Variants in STATH observed in about 807,000 individuals in gnomAD.
STATH encodes statherin.
STATH carries 11 observed loss-of-function variants against 13.3 expected under a neutral mutation model. The ratio of observed to expected loss-of-function variants is 0.83; its 90% confidence interval spans 0.52 to 1.37. STATH has a LOEUF of 1.37. STATH is among the 40% of genes most tolerant of loss of function. STATH has a pLI of 0.00. For synonymous variants in STATH, 25 were observed against 23.6 expected, an observed-to-expected ratio of 1.06 and a Z score of -0.17; for missense variants, 78 against 73.3, an observed-to-expected ratio of 1.06 and a Z score of -0.24.
At chr4:69,999,194 A>G (rs1020897410) in intron 2 of STATH, 2 of 153,096 alleles carry the variant, frequency 1.3e-5, no homozygotes, top group African/African-American at 4.8e-5. Flanking sequence ...ATATTTCAAA[A>G]ACTAATTTGA....
At position 70,000,579 on chromosome 4, in the gene STATH, T is replaced by C. The variant is rs551787861; in HGVS notation, c.103-284T>C. 8.6e-5 allele frequency among the ~76,000 whole-genome samples: 13 copies of C among 151,890 alleles called. 1 individual carries two copies. In the South Asian group the frequency reaches 2.7e-3, roughly 31 times the overall value. ...CTGGGAGGTAGTATTTTGAAGAAAA[T>C]TTAAAACCTCTTTGGAGTGATAGCC... On this transcript the variant is annotated intron_variant, in intron 4 of 5. Transcript: ENST00000246895.
chr4:69,999,168 T>C (rs1264275007), intron 2 of STATH: 1 of 153,134 alleles, frequency 6.5e-6, no homozygotes, highest in Non-Finnish European at 1.5e-5. Flanking sequence ...TCAACTTACC[T>C]GGTAAATTCT....
rs544748421 is a variant in STATH, at chr4:69,998,700, A to G, written c.51+212A>G. ...TATTCATCTACAGACACTAAAGTAT[A>G]TTTAGCTTAGTGTGAAATAAAAGAA... On this transcript the variant is annotated intron_variant, in intron 2 of 5. Transcript: ENST00000246895. 281 of 383,864 alleles carry G rather than the reference A, an allele frequency of 7.3e-4. 1 individual carries two copies. The South Asian group carries it at 0.011, about 15-fold the overall frequency. 23.8% of individuals were successfully genotyped at this position (383,864 alleles called of 1,614,324 possible).
intron 5 of STATH, among the ~76,000 whole-genome samples, chr4:70,001,764 T>C (rs1724675711): frequency 6.6e-6 from 1 of 151,732 alleles, no homozygotes; most frequent in South Asian, 2.1e-4. Flanking sequence ...TTTCAGTGCA[T>C]TTGGGAGATT....
At chr4:69,996,926 C>A (rs1426920620) in intron 1 of STATH, among the ~76,000 whole-genome samples, 1 of 108,296 alleles carries the variant, frequency 9.2e-6, no homozygotes, top group Admixed American at 1.1e-4. Flanking sequence ...CCAGAAATTT[C>A]CTTTTTTTTT....
chr4:69,998,243 A>G, intron 1 of STATH, 180 bp from the exon 2 acceptor site: 1 of 560,958 alleles, frequency 1.8e-6, no homozygotes, highest in Admixed American at 3.0e-5. Context: ...CAATACACTC[A>G]CTTTTACTTA....
chr4:69,996,380 T>C (rs1173613566), intron 1 of STATH, among the ~76,000 whole-genome samples: 7 of 152,186 alleles, frequency 4.6e-5, no homozygotes, highest in Non-Finnish European at 7.4e-5. Flanking sequence ...TTTAAGAAAA[T>C]AGCATACGTT....
At position 70,002,059 on chromosome 4, in the gene STATH, T is replaced by C. The variant is rs536582519; in HGVS notation, c.*34-130T>C. 6.6e-5 allele frequency: 10 copies of C among 151,944 alleles called. 1 individual carries two copies. The South Asian group carries it at 2.1e-3, about 31-fold the overall frequency. The allele number at this position is 151,944 out of a possible 1,614,324, so 9.4% of individuals were successfully genotyped here. On this transcript the variant is annotated intron_variant, in intron 5 of 5. Transcript: ENST00000246895. Reference sequence around the variant, plus strand: ...TTAATTGTCTACTCTGTGTCAAATATTATTTTGGGCCCTGCATTTTATAAA... The same window carrying C: ...TTAATTGTCTACTCTGTGTCAAATACTATTTTGGGCCCTGCATTTTATAAA...
At chr4:69,998,517 T>A (rs775078410) in intron 2 of STATH, 29 bp downstream of exon 2, 33 of 1,593,414 alleles carry the variant, frequency 2.1e-5, no homozygotes, top group Non-Finnish European at 8.6e-7. Context: ...TTGAAGAATA[T>A]GTTCTCAGTA....
At chr4:70,001,607 GAA>G (rs762326721) in intron 5 of STATH, among the ~76,000 whole-genome samples, 29 of 151,534 alleles carry the variant, frequency 1.9e-4, no homozygotes, top group Non-Finnish European at 3.1e-4. Flanking sequence ...TTTCTTTTTA[GAA>G]AGTCAGTTTT....
chr4:70,000,447 G>GTC, intron 4 of STATH: 1 of 167,126 alleles, frequency 6.0e-6, no homozygotes, highest in Middle Eastern at 3.1e-3. Context: ...TGTAGGAATC[G>GTC]TAAGAGACAG....
intron 1 of STATH, 194 bp from the exon 2 acceptor site, chr4:69,998,229 A>G: frequency 1.9e-6 from 1 of 539,498 alleles, no homozygotes; most frequent in South Asian, 2.5e-5. Context: ...TAGCATTTCC[A>G]TATCAATACA....
chr4:70,002,225 T>C lies in STATH; in HGVS notation c.*70T>C, dbSNP rs891879310. ...AAATACGACTTCTACATCCATATTC[T>C]CATCTTTCATACCATATCACACTAC... On this transcript the variant is annotated 3_prime_UTR_variant, in exon 6 of 6. Transcript: ENST00000246895. The C allele has an allele frequency of 1.3e-5, 2 of 151,636 alleles. No individual in the cohort carries two copies. The highest frequency in any genetic ancestry group is 1.5e-5 in the Non-Finnish European group (1 of 67,714). The allele number at this position is 151,636 out of a possible 1,614,324, so 9.4% of individuals were successfully genotyped here. A position where few individuals can be genotyped will look rare whatever the true frequency, so the allele number is the denominator to read the frequency against.
At chr4:70,000,659 A>T (rs1241026065) in intron 4 of STATH, 2 of 548,442 alleles carry the variant, frequency 3.6e-6, no homozygotes, top group Non-Finnish European at 6.5e-6. Flanking sequence ...AACATGCAGT[A>T]CAAAGGTAAA....
In STATH at chr4:70,002,436, ATTTCAAGCACATTT is replaced by A. The variant is rs1724693534; in HGVS notation, c.*284_*297del. The stretch of plus-strand genomic sequence containing the variant: ...GAAATCACTTCTCTAAAAGCAATAA[ATTTCAAGCACATTT>A]TTACATGTATGCTCCTTATTTTTCT... On this transcript the variant is annotated 3_prime_UTR_variant, in exon 6 of 6. Transcript: ENST00000246895. The A allele has an allele frequency of 6.6e-6, 1 of 151,688 alleles. No individual in the cohort carries two copies. The highest frequency in any genetic ancestry group is 1.5e-5 in the Non-Finnish European group (1 of 67,754). 9.4% of individuals were successfully genotyped at this position (151,688 alleles called of 1,614,324 possible). A position where few individuals can be genotyped will look rare whatever the true frequency, so the allele number is the denominator to read the frequency against.
intron 5 of STATH, among the ~76,000 whole-genome samples, chr4:70,001,409 C>G (rs1724664587): frequency 6.6e-6 from 1 of 151,844 alleles, no homozygotes; most frequent in Non-Finnish European, 1.5e-5. Flanking sequence ...TTCCCTGCCA[C>G]TAAATCTGTA....
At chr4:69,999,353 G>T (rs1337032461) in intron 2 of STATH, among the ~76,000 whole-genome samples, 2 of 151,840 alleles carry the variant, frequency 1.3e-5, no homozygotes, top group East Asian at 3.8e-4. Flanking sequence ...TTGAGCTGCT[G>T]AAAACATATT....
At chr4:69,999,048 A>ATC (rs1349562089) in intron 2 of STATH, 1 of 152,492 alleles carries the variant, frequency 6.6e-6, no homozygotes, top group Non-Finnish European at 1.5e-5. Flanking sequence ...ATCACTAGGT[A>ATC]AAGCACTTGA....
chr4:69,999,841 A>C (rs1724607961), intron 4 of STATH, 32 bp downstream of exon 4: 1 of 1,608,344 alleles, frequency 6.2e-7, no homozygotes, highest in Admixed American at 1.7e-5. Flanking sequence ...TGTGTAGTCC[A>C]AATAAATTGT....
Sources: allele counts gnomAD v4.1 joint callset (sites outside exome capture counted in the v4.1 genomes callset), GRCh38; gene constraint gnomAD v4.1.1; transcripts MANE v1.5; gene names NCBI Gene and HGNC (gene_info 2026-07-23, HGNC 2026-07-21).